The following EPHB1 variants were observed in gnomAD, a reference collection of about 807,000 sequenced individuals.
The protein encoded by EPHB1 is ephrin type-B receptor 1.
Under a neutral mutation model 94.4 loss-of-function variants are expected in EPHB1, and 30 were observed. The observed-to-expected ratio is 0.32, with a 90% CI of 0.24 to 0.43. EPHB1 has a LOEUF of 0.43. Ranked by LOEUF, EPHB1 falls within the 20% of genes least tolerant of loss-of-function variation. EPHB1 has a pLI of 1.00. For missense variants in EPHB1, 1,055 were observed against 1,308.3 expected (o/e 0.81, Z 2.99); for synonymous variants, 522 against 489.1 (o/e 1.07, Z -0.89).
At position 135,003,740 on chromosome 3, in the gene EPHB1, T is replaced by C. The variant is rs531509860; in HGVS notation, c.805+51688T>C. Among the ~76,000 whole-genome samples, 3 of 152,166 alleles carry C rather than the reference T, an allele frequency of 2.0e-5. No individual in the cohort carries two copies. The East Asian group carries it at 5.8e-4, about 29-fold the overall frequency. On this transcript the variant is annotated intron_variant, in intron 3 of 15. Coordinates refer to ENST00000398015, the MANE Select transcript of EPHB1 (RefSeq NM_004441.5). Reference sequence around the variant, plus strand: ...GGCCTTCTTTGTCTCTTTTGATCTTTGTTGGTTTAAAGTCTGTTTTATCAG... The same window carrying C: ...GGCCTTCTTTGTCTCTTTTGATCTTCGTTGGTTTAAAGTCTGTTTTATCAG...
chr3:134,972,728 T>C (rs1265804199), intron 3 of EPHB1, among the ~76,000 whole-genome samples: 3 of 152,056 alleles, frequency 2.0e-5, no homozygotes, highest in African/African-American at 7.2e-5. Flanking sequence ...AATGTATACA[T>C]GCACAGGGAC....
At chr3:135,123,823 C>T (rs6805145) in intron 4 of EPHB1, among the ~76,000 whole-genome samples, 18,734 of 151,578 alleles carry the variant, frequency 0.12, 2,026 homozygotes, top group African/African-American at 0.26. Flanking sequence ...CTTCTCATCT[C>T]CTCTGCTGAT....
chr3:134,966,135 C>G (rs1477085464), intron 3 of EPHB1, among the ~76,000 whole-genome samples: 1 of 152,202 alleles, frequency 6.6e-6, no homozygotes, highest in East Asian at 1.9e-4. Flanking sequence ...TTTGCTTTCT[C>G]CCTTTCACTC....
intron 3 of EPHB1, among the ~76,000 whole-genome samples, chr3:134,970,924 C>G (rs1006049437): frequency 6.6e-6 from 1 of 152,152 alleles, no homozygotes; most frequent in African/African-American, 2.4e-5. Flanking sequence ...TTATTTGTTC[C>G]TTGAAATATA....
At chr3:134,859,773 G>A (rs887550822) in intron 1 of EPHB1, among the ~76,000 whole-genome samples, 2 of 152,098 alleles carry the variant, frequency 1.3e-5, no homozygotes, top group South Asian at 2.1e-4. Flanking sequence ...TCAGAAAATC[G>A]CTAAATTCAT....
chr3:134,975,126 A>G (rs1282571119), intron 3 of EPHB1, among the ~76,000 whole-genome samples: 1 of 152,058 alleles, frequency 6.6e-6, no homozygotes, highest in Non-Finnish European at 1.5e-5. Flanking sequence ...ACTTTTCATG[A>G]TCTTATTTTT....
At chr3:134,810,842 T>G (rs955789578) in intron 1 of EPHB1, among the ~76,000 whole-genome samples, 1 of 152,154 alleles carries the variant, frequency 6.6e-6, no homozygotes, top group African/African-American at 2.4e-5. Flanking sequence ...GAGTGTGCAG[T>G]CCTAGTTGCA....
chr3:135,170,129 G>A (rs971680206), intron 9 of EPHB1, among the ~76,000 whole-genome samples: 6 of 152,290 alleles, frequency 3.9e-5, no homozygotes, highest in Middle Eastern at 3.4e-3. Flanking sequence ...GTTCATTAAT[G>A]CCTGAGAGAG....
chr3:135,121,530 T>C (rs1939961648), intron 4 of EPHB1, among the ~76,000 whole-genome samples: 4 of 152,234 alleles, frequency 2.6e-5, no homozygotes, highest in Admixed American at 2.6e-4. Flanking sequence ...CTAACCGGCT[T>C]GCTTGGACTG....
At chr3:135,091,813 T>A (rs1938568423) in intron 3 of EPHB1, among the ~76,000 whole-genome samples, 1 of 152,168 alleles carries the variant, frequency 6.6e-6, no homozygotes, top group Admixed American at 6.6e-5. Flanking sequence ...CTGTCCTCGG[T>A]GTGACCACTC....
At chr3:134,827,470 T>G (rs1414429763) in intron 1 of EPHB1, among the ~76,000 whole-genome samples, 2 of 152,254 alleles carry the variant, frequency 1.3e-5, no homozygotes, top group African/African-American at 4.8e-5. Context: ...TTTAAGATGC[T>G]ATTGGGACTG....
chr3:135,088,790 A>G (rs2107790359), intron 3 of EPHB1, among the ~76,000 whole-genome samples: 1 of 152,368 alleles, frequency 6.6e-6, no homozygotes, highest in Non-Finnish European at 1.5e-5. Flanking sequence ...CCCATATGGT[A>G]GGGGAAAATG....
intron 12 of EPHB1, among the ~76,000 whole-genome samples, chr3:135,202,217 A>AATTATCTATATCC (rs1217763048): frequency 6.6e-6 from 1 of 152,098 alleles, no homozygotes; most frequent in Non-Finnish European, 1.5e-5. Flanking sequence ...GAGCAGCTCT[A>AATTATCTATATCC]ATTATCTATA....
rs2035797971 is a variant in EPHB1 at position 134,795,306 on chromosome 3, T to C, written c.-326T>C. On this transcript the variant is annotated 5_prime_UTR_variant, in exon 1 of 16. The change abolishes an upstream ATG in the 5' untranslated region. Coordinates refer to ENST00000398015, the MANE Select transcript of EPHB1 (RefSeq NM_004441.5). The stretch of plus-strand genomic sequence containing the variant: ...CCGTAGGCTCCGCTGTAGCTAGCAA[T>C]GTGACACCAGGACGCACTCGCTCTC... 1 of 441,654 alleles carries C rather than the reference T, an allele frequency of 2.3e-6. No individual in the cohort carries two copies. The highest frequency in any genetic ancestry group is 4.0e-6 in the Non-Finnish European group (1 of 248,828). The allele number at this position is 441,654 out of a possible 1,614,324, so 27.4% of individuals were successfully genotyped here.
At position 135,258,836 on chromosome 3, in the gene EPHB1, G is replaced by T. The variant is rs76838573; in HGVS notation, c.2847-176G>T. 6.6e-3 allele frequency among the ~76,000 whole-genome samples: 998 copies of T among 152,284 alleles called. 12 individuals are homozygous for T. Among genetic ancestry groups the T allele is most frequent in the African/African-American group, 0.023 (956 of 41,556 alleles). ...TGGAGGAAGCATTAGAGAAGAAGGAGAAAGTGAGCAGGAAAATCTCTAATT... is the reference window on the plus strand; with the variant it reads ...TGGAGGAAGCATTAGAGAAGAAGGATAAAGTGAGCAGGAAAATCTCTAATT... On this transcript the variant is annotated intron_variant, in intron 15 of 15. Coordinates refer to ENST00000398015, the MANE Select transcript of EPHB1 (RefSeq NM_004441.5).
intron 3 of EPHB1, among the ~76,000 whole-genome samples, chr3:135,009,239 G>A (rs951707163): frequency 2.6e-5 from 4 of 152,144 alleles, no homozygotes; most frequent in South Asian, 2.1e-4. Context: ...ACCTGACAGC[G>A]GCTGAAGTCT....
At chr3:134,856,975 C>A (rs1383611702) in intron 1 of EPHB1, among the ~76,000 whole-genome samples, 1 of 152,218 alleles carries the variant, frequency 6.6e-6, no homozygotes, top group East Asian at 1.9e-4. Context: ...ATCTGTATTG[C>A]ATAAAATGCA....
chr3:134,915,698 G>T (rs1236167972), intron 1 of EPHB1, among the ~76,000 whole-genome samples: 3 of 152,092 alleles, frequency 2.0e-5, no homozygotes, highest in African/African-American at 7.2e-5. Context: ...GCAGACCTTC[G>T]CAGTGAGGGT....
At chr3:134,938,598 A>T (rs752720497) in intron 2 of EPHB1, among the ~76,000 whole-genome samples, 1 of 152,190 alleles carries the variant, frequency 6.6e-6, no homozygotes, top group Non-Finnish European at 1.5e-5. Context: ...CAGACAGAAG[A>T]GTCATAGAGC....
Sources: allele counts gnomAD v4.1 joint callset (sites outside exome capture counted in the v4.1 genomes callset), GRCh38; gene constraint gnomAD v4.1.1; transcripts MANE v1.5; gene names NCBI Gene and HGNC (gene_info 2026-07-23, HGNC 2026-07-21).